POLB: variants seen among roughly 807,000 people sequenced by gnomAD.
POLB encodes DNA polymerase beta, also known as 5'-dRP lyase.
POLB carries 37 observed loss-of-function variants against 52.7 expected under a neutral mutation model. The observed-to-expected ratio is 0.70, with a 90% CI of 0.54 to 0.92. POLB has a LOEUF of 0.92. Ranked by LOEUF, POLB falls within the 40% of genes least tolerant of loss-of-function variation. The pLI is 0.00. For synonymous variants in POLB, 138 were observed against 131.3 expected, an observed-to-expected ratio of 1.05 and a Z score of -0.35; for missense variants, 313 against 400.8, an observed-to-expected ratio of 0.78 and a Z score of 1.87.
chr8:42,366,484 CAGTG>C (rs1429387362), intron 11 of POLB, among the ~76,000 whole-genome samples: 3 of 152,148 alleles, frequency 2.0e-5, no homozygotes, highest in Non-Finnish European at 4.4e-5. Flanking sequence ...GAATCCATCT[CAGTG>C]GGTGGTTTTT....
At chr8:42,355,964 G>A (rs1364819126) in intron 7 of POLB, among the ~76,000 whole-genome samples, 1 of 152,018 alleles carries the variant, frequency 6.6e-6, no homozygotes, top group Non-Finnish European at 1.5e-5. Context: ...CGAGAAGGTA[G>A]GACATGAATA....
At chr8:42,358,125 T>C (rs1341107559) in intron 9 of POLB, among the ~76,000 whole-genome samples, 1 of 152,190 alleles carries the variant, frequency 6.6e-6, no homozygotes, top group Non-Finnish European at 1.5e-5. Context: ...TTCTGCTTAG[T>C]GTGTGAATGT....
In POLB at chr8:42,357,365, G is replaced by A. The variant is rs1415491598; in HGVS notation, c.523G>A (p.Ala175Thr). The A allele has an allele frequency of 3.8e-6, 6 of 1,579,812 alleles. No individual in the cohort carries two copies. The highest frequency in any genetic ancestry group is 5.2e-6 in the Non-Finnish European group (6 of 1,149,208). ...TAAAAAAGTGGATTCTGAATACATT[G>A]CTACAGTCTGTGGCAGTTTCAGAAG... ...EVKKVDSEYI[A>T]TVCGSFRRGA... is the part of the protein sequence containing the mutation. Residue 175 changes from alanine to threonine, a missense_variant, in exon 9 of 14, where the codon GCT becomes ACT. Coordinates refer to ENST00000265421, the MANE Select transcript of POLB (RefSeq NM_002690.3).
chr8:42,364,115 C>A (rs1235142555), intron 11 of POLB, among the ~76,000 whole-genome samples: 17 of 152,008 alleles, frequency 1.1e-4, no homozygotes, highest in Non-Finnish European at 2.5e-4. Flanking sequence ...TTAGTAGAGA[C>A]CAGGTTTCAC....
intron 10 of POLB, among the ~76,000 whole-genome samples, chr8:42,361,973 A>G (rs561574113): frequency 2.6e-5 from 4 of 152,222 alleles, no homozygotes; most frequent in Non-Finnish European, 5.9e-5. Flanking sequence ...ATTAGAAAAC[A>G]TAGAGATGGC....
chr8:42,359,905 A>C (rs2130831588), intron 9 of POLB, among the ~76,000 whole-genome samples: 1 of 152,024 alleles, frequency 6.6e-6, no homozygotes, highest in Non-Finnish European at 1.5e-5. Context: ...TCTTGATTAA[A>C]ATAGTTTCCA....
intron 3 of POLB, among the ~76,000 whole-genome samples, 153 bp from the exon 4 acceptor site, chr8:42,348,863 A>G (rs1585880598): frequency 1.3e-5 from 2 of 152,204 alleles, no homozygotes; most frequent in East Asian, 3.9e-4. Context: ...GGGAGAATTT[A>G]TTTTCACTGG....
At chr8:42,365,720 T>A (rs1359601875) in intron 11 of POLB, among the ~76,000 whole-genome samples, 4 of 152,206 alleles carry the variant, frequency 2.6e-5, no homozygotes, top group Non-Finnish European at 5.9e-5. Context: ...GCTGTTTTTT[T>A]ATAATCTTAA....
intron 2 of POLB, chr8:42,342,118 G>T: frequency 1.6e-6 from 2 of 1,279,692 alleles, no homozygotes; most frequent in African/African-American, 1.5e-5. Flanking sequence ...GGAATCATTT[G>T]GTACTTTGAG....
At chr8:42,360,689 T>C (rs1585905774) in intron 9 of POLB, among the ~76,000 whole-genome samples, 1 of 152,178 alleles carries the variant, frequency 6.6e-6, no homozygotes, top group East Asian at 1.9e-4. Context: ...AGCTATGTGG[T>C]TGTAGAGTAT....
At chr8:42,351,703 T>C (rs1041121130) in intron 5 of POLB, among the ~76,000 whole-genome samples, 1 of 152,260 alleles carries the variant, frequency 6.6e-6, no homozygotes, top group Admixed American at 6.5e-5. Flanking sequence ...TCTGATTTAT[T>C]TATATGAATA....
Position 42,340,925 on chromosome 8 carries a change from G to T in POLB, c.119+1856G>T, listed in dbSNP as rs911419649. On this transcript the variant is annotated intron_variant, in intron 2 of 13. Transcript: ENST00000265421. ...GATCACAGCAGGTCTCAGAAAGGAG[G>T]TGTTTAGTTTGAAGAAGCTCATCGG... Among the ~76,000 whole-genome samples, 7 of 152,196 alleles carry T rather than the reference G, an allele frequency of 4.6e-5. No individual in the cohort carries two copies. In the South Asian group the frequency reaches 1.4e-3, roughly 32 times the overall value.
intron 11 of POLB, among the ~76,000 whole-genome samples, chr8:42,364,300 C>T (rs888879191): frequency 5.3e-5 from 8 of 151,940 alleles, no homozygotes; most frequent in Non-Finnish European, 1.0e-4. Flanking sequence ...AGTGCAGTGG[C>T]GAAACATGGC....
At chr8:42,347,185 A>C (rs924169446) in intron 3 of POLB, among the ~76,000 whole-genome samples, 2 of 151,834 alleles carry the variant, frequency 1.3e-5, no homozygotes, top group Non-Finnish European at 2.9e-5. Context: ...GGTTGTAAAA[A>C]TCTCATCATT....
chr8:42,355,019 T>A (rs966673151), intron 6 of POLB, among the ~76,000 whole-genome samples: 2 of 152,036 alleles, frequency 1.3e-5, no homozygotes, highest in African/African-American at 4.8e-5. Context: ...TAAAATTTGG[T>A]GTGATTCTGT....
chr8:42,345,127 G>A (rs1229910288), intron 3 of POLB, 108 bp downstream of exon 3: 2 of 655,862 alleles, frequency 3.0e-6, no homozygotes, highest in Admixed American at 4.9e-5. Flanking sequence ...CACACAGGCT[G>A]ATTTCACTAC....
chr8:42,368,137 A>G (rs1022222606), intron 11 of POLB, among the ~76,000 whole-genome samples: 3 of 152,372 alleles, frequency 2.0e-5, no homozygotes, highest in Middle Eastern at 3.4e-3. Context: ...GAACAAAGCC[A>G]TGAGATAAAA....
chr8:42,353,887 A>G (rs1017912091), intron 6 of POLB, among the ~76,000 whole-genome samples: 6 of 152,322 alleles, frequency 3.9e-5, no homozygotes, highest in African/African-American at 1.4e-4. Flanking sequence ...GGTACCTAGT[A>G]CTACTTAAAA....
In POLB at chr8:42,371,760, CTTCA is replaced by C; in HGVS notation, c.*105_*108del. On this transcript the variant is annotated 3_prime_UTR_variant, in exon 14 of 14. Coordinates refer to ENST00000265421, the MANE Select transcript of POLB (RefSeq NM_002690.3). ...TGGTGTTTTTAAATGATTGTTTCTT[CTTCA>C]TGCTTTTGCTTGCAATGTAGTCAAT... 1.4e-6 allele frequency: 1 copy of C among 699,722 alleles called. No individual in the cohort carries two copies. The highest frequency in any genetic ancestry group is 2.6e-6 in the Non-Finnish European group (1 of 385,656). 43.3% of individuals were successfully genotyped at this position (699,722 alleles called of 1,614,324 possible). A position where few individuals can be genotyped will look rare whatever the true frequency, so the allele number is the denominator to read the frequency against.
Sources: allele counts gnomAD v4.1 joint callset (sites outside exome capture counted in the v4.1 genomes callset), GRCh38; gene constraint gnomAD v4.1.1; transcripts MANE v1.5; gene names NCBI Gene and HGNC (gene_info 2026-07-23, HGNC 2026-07-21).